Variants in HMX1 observed in about 807,000 individuals in gnomAD.
The protein encoded by HMX1 is H6 family homeobox 1.
Under a neutral mutation model 8.9 loss-of-function variants are expected in HMX1, and 8 were observed. The ratio of observed to expected loss-of-function variants is 0.90; its 90% CI spans 0.53 to 1.63. The LOEUF (loss-of-function observed/expected upper bound fraction) is 1.63. Ranked by LOEUF, HMX1 falls within the 40% of genes most tolerant of loss-of-function variation. HMX1 has a pLI of 0.00. For missense variants in HMX1, 621 were observed against 558.5 expected (o/e 1.11, Z -1.13); for synonymous variants, 311 against 283.4 (o/e 1.10, Z -0.98).
At chr4:8,864,262 G>A (rs987215175), downstream of HMX1, among the ~76,000 whole-genome samples, 5 of 152,198 alleles carry the variant, frequency 3.3e-5, no homozygotes, top group African/African-American at 1.2e-4. Context: ...GAAGGGGTGT[G>A]ATTACGGTCA....
downstream of HMX1, among the ~76,000 whole-genome samples, chr4:8,862,260 T>G (rs1721853433): frequency 6.6e-6 from 1 of 152,198 alleles, no homozygotes; most frequent in African/African-American, 2.4e-5. Context: ...GAGTGCAAGC[T>G]GGACCAAAGT....
At chr4:8,861,706 G>T (rs1721831224) in intron 1 of HMX1, among the ~76,000 whole-genome samples, 1 of 150,218 alleles carries the variant, frequency 6.7e-6, no homozygotes, top group African/African-American at 2.5e-5. Context: ...TCTGGCCTGG[G>T]GCGCCGTCGT....
chr4:8,851,120 C>T (rs529649688), intron 1 of HMX1, among the ~76,000 whole-genome samples: 44 of 152,330 alleles, frequency 2.9e-4, no homozygotes, highest in African/African-American at 1.0e-3. Flanking sequence ...CCCAAGCAGC[C>T]GTCGTTACTG....
At position 8,871,314 on chromosome 4, in the gene HMX1, C is replaced by T. The variant is rs1722208475; in HGVS notation, c.301G>A (p.Gly101Ser). 1.4e-6 allele frequency: 2 copies of T among 1,384,830 alleles called. No individual in the cohort carries two copies. Among genetic ancestry groups the T allele is most frequent in the Non-Finnish European group, 1.9e-6 (2 of 1,077,078 alleles). 85.8% of individuals were successfully genotyped at this position (1,384,830 alleles called of 1,614,324 possible). A position where few individuals can be genotyped will look rare whatever the true frequency, so the allele number is the denominator to read the frequency against. Reference sequence around the variant, plus strand: ...CCCAGAGCGAAGGGCGGCCCGGGACCGGGGGGCGGCCGAGGACCGAGGCCC... The same window carrying T: ...CCCAGAGCGAAGGGCGGCCCGGGACTGGGGGGCGGCCGAGGACCGAGGCCC... The part of the protein sequence containing the change: ...ALGLGPRPPP[G>S]PGPPFALGCG... Residue 101 changes from glycine (G) to serine (S), a missense_variant, in exon 1 of 2, where the codon GGT becomes AGT. Transcript: ENST00000400677. The surrounding 1 kb of genome is among the most constrained non-coding windows in gnomAD (Gnocchi z 4.8).
intron 1 of HMX1, among the ~76,000 whole-genome samples, chr4:8,861,393 A>G (rs1255163244): frequency 6.6e-6 from 1 of 152,180 alleles, no homozygotes; most frequent in Non-Finnish European, 1.5e-5. Flanking sequence ...CTCTCCGCAA[A>G]GAAATAAACA....
chr4:8,868,924 A>C lies in HMX1; in HGVS notation c.395-579T>G, dbSNP rs569058298. On this transcript the variant is annotated intron_variant, in intron 1 of 1. Transcript: ENST00000400677. This position sits in a 1 kb window ranked among gnomAD's most constrained non-coding sequence, Gnocchi z 4.6. Reference sequence around the variant, plus strand: ...GCCCGCTTGCACAGAAACATTCCATAGTAGGAGGACAAACCAATGCAAAGG... The same window carrying C: ...GCCCGCTTGCACAGAAACATTCCATCGTAGGAGGACAAACCAATGCAAAGG... 8.5e-5 allele frequency among the ~76,000 whole-genome samples: 13 copies of C among 152,256 alleles called. No individual in the cohort carries two copies. Among genetic ancestry groups the C allele is most frequent in the African/African-American group, 3.1e-4 (13 of 41,548 alleles).
downstream of HMX1, chr4:8,867,015 C>T: frequency 1.1e-6 from 1 of 950,040 alleles, no homozygotes. Flanking sequence ...CTTGAGCTGT[C>T]TCTGCCCTCG....
chr4:8,871,465 G>C lies in HMX1; in HGVS notation c.150C>G (p.Asp50Glu). The C allele has an allele frequency of 7.4e-7, 1 of 1,342,584 alleles. No individual in the cohort carries two copies. The highest frequency in any genetic ancestry group is 3.2e-5 in the Admixed American group (1 of 30,906). 83.2% of individuals were successfully genotyped at this position (1,342,584 alleles called of 1,614,324 possible). Reference sequence around the variant, plus strand: ...GCTCGGCGTCCTCGTCTTCGGGGTCGTCGTCGTCCTCCTCCTCGTCCTCCC... The same window carrying C: ...GCTCGGCGTCCTCGTCTTCGGGGTCCTCGTCGTCCTCCTCCTCGTCCTCCC... Reference protein sequence around the residue: ...GSREDEEEDDDDPEDEDAEQA... With the variant: ...GSREDEEEDDEDPEDEDAEQA... The change falls in exon 1 of 2, where the codon GAC (aspartate) becomes GAG (glutamate). Residue 50 changes from aspartate to glutamate, a missense_variant. By Grantham distance (45) the Asp-to-Glu change is conservative (BLOSUM62 2). Transcript: ENST00000400677. The surrounding 1 kb of genome is among the most constrained non-coding windows in gnomAD (Gnocchi z 4.8).
chr4:8,865,997 C>G (rs1434150903), downstream of HMX1, among the ~76,000 whole-genome samples: 1 of 152,218 alleles, frequency 6.6e-6, no homozygotes, highest in Non-Finnish European at 1.5e-5. Context: ...AAGAATCTCT[C>G]AAAATGCCCA....
Position 8,868,353 on chromosome 4 carries a change from G to C in HMX1, c.395-8C>G, listed in dbSNP as rs973814074. The stretch of plus-strand genomic sequence containing the variant: ...GTGAGTCCCGGTCGCTGGCTGCAGG[G>C]GAGAGAGGGCACCACCGTTGGTTCT... On this transcript the variant is annotated splice_region_variant and splice_polypyrimidine_tract_variant and intron_variant, in intron 1 of 1. Coordinates refer to ENST00000400677, the MANE Select transcript of HMX1 (RefSeq NM_018942.3). This position sits in a 1 kb window ranked among gnomAD's most constrained non-coding sequence, Gnocchi z 4.6. 5 of 1,365,172 alleles carry C rather than the reference G, an allele frequency of 3.7e-6. No individual in the cohort carries two copies. Among genetic ancestry groups the C allele is most frequent in the Non-Finnish European group, 4.7e-6 (5 of 1,067,348 alleles). The allele number at this position is 1,365,172 out of a possible 1,614,324, so 84.6% of individuals were successfully genotyped here.
rs1721342359 is a variant in HMX1 at position 8,848,527 on chromosome 4, G to A, written c.395-2203C>T. 6.6e-6 allele frequency among the ~76,000 whole-genome samples: 1 copy of A among 152,206 alleles called. No homozygotes were observed. Among genetic ancestry groups the A allele is most frequent in the Non-Finnish European group, 1.5e-5 (1 of 68,036 alleles). On this transcript the variant is annotated intron_variant, in intron 1 of 1. Coordinates refer to the HMX1 transcript ENST00000506970. The surrounding 1 kb of genome is among the most constrained non-coding windows in gnomAD (Gnocchi z 4.1). Reference sequence around the variant, plus strand: ...CCCTTGTTTTACAAATAGGAAACCTGAGGCCAGAGAAGGCAAGTAAGTTGC... The same window carrying A: ...CCCTTGTTTTACAAATAGGAAACCTAAGGCCAGAGAAGGCAAGTAAGTTGC...
chr4:8,865,696 C>G (rs1002240066), downstream of HMX1, among the ~76,000 whole-genome samples: 1 of 151,838 alleles, frequency 6.6e-6, no homozygotes. Context: ...GGGACTTTGC[C>G]TGAGTGGCCA....
At chr4:8,852,762 G>T (rs1190644350) in intron 1 of HMX1, among the ~76,000 whole-genome samples, 1 of 152,170 alleles carries the variant, frequency 6.6e-6, no homozygotes, top group Non-Finnish European at 1.5e-5. Flanking sequence ...AATAAATACT[G>T]TCCCCTCTGC....
rs1257321669 is a variant in HMX1, at chr4:8,868,902, C to G, written c.395-557G>C. On this transcript the variant is annotated intron_variant, in intron 1 of 1. Transcript: ENST00000400677. The surrounding 1 kb of genome is among the most constrained non-coding windows in gnomAD (Gnocchi z 4.6). ...CAGGCCTCTTCCCGCGCCCTCTGCC[C>G]GCTTGCACAGAAACATTCCATAGTA... Among the ~76,000 whole-genome samples the G allele has an allele frequency of 6.6e-6, 1 of 152,134 alleles. No individual in the cohort carries two copies. The highest frequency in any genetic ancestry group is 6.5e-5 in the Admixed American group (1 of 15,272).
At chr4:8,869,711 C>T (rs1464819845) in intron 1 of HMX1, among the ~76,000 whole-genome samples, 1 of 148,864 alleles carries the variant, frequency 6.7e-6, no homozygotes, top group African/African-American at 2.6e-5. Context: ...TCCCTGCCTC[C>T]CCCCAATACC....
At chr4:8,854,438 G>C (rs1181543361) in intron 1 of HMX1, among the ~76,000 whole-genome samples, 1 of 152,238 alleles carries the variant, frequency 6.6e-6, no homozygotes, top group Non-Finnish European at 1.5e-5. Flanking sequence ...ATGTCAAGGA[G>C]GGGTGTTAAA....
In HMX1 at chr4:8,853,816, G is replaced by A. The variant is rs1043418475; in HGVS notation, c.395-7492C>T. ...TGCAGTGAGCCGAGATCACACCACT[G>A]CACTCCAGCCTGGGCAACAAGAGCA... On this transcript the variant is annotated intron_variant, in intron 1 of 1. Coordinates refer to the HMX1 transcript ENST00000506970. The surrounding 1 kb of genome is among the most constrained non-coding windows in gnomAD (Gnocchi z 4.7). 1.3e-5 allele frequency among the ~76,000 whole-genome samples: 2 copies of A among 152,008 alleles called. No homozygotes were observed. Among genetic ancestry groups the A allele is most frequent in the Non-Finnish European group, 2.9e-5 (2 of 68,020 alleles).
Position 8,868,186 on chromosome 4 carries a change from A to G in HMX1, c.554T>C (p.Val185Ala). The change falls in exon 2 of 2, where the codon GTC becomes GCC. Residue 185 changes from valine (V) to alanine (A), a missense_variant. By Grantham distance (64) the Val-to-Ala change is moderately conservative (BLOSUM62 0). Coordinates refer to ENST00000400677, the MANE Select transcript of HMX1 (RefSeq NM_018942.3). The surrounding 1 kb of genome is among the most constrained non-coding windows in gnomAD (Gnocchi z 4.6). ...GTEEASELAE[V>A]PAAAGETRGG... Reference sequence around the variant, plus strand: ...GCGTGTCTCCCCAGCCGCCGCAGGGACCTCGGCCAGCTCCGACGCCTCCTC... The same window carrying G: ...GCGTGTCTCCCCAGCCGCCGCAGGGGCCTCGGCCAGCTCCGACGCCTCCTC... 1.3e-6 allele frequency: 2 copies of G among 1,490,934 alleles called. No homozygotes were observed. Among genetic ancestry groups the G allele is most frequent in the African/African-American group, 2.9e-5 (2 of 68,970 alleles). 92.4% of individuals were successfully genotyped at this position (1,490,934 alleles called of 1,614,324 possible). A position where few individuals can be genotyped will look rare whatever the true frequency, so the allele number is the denominator to read the frequency against.
Position 8,870,977 on chromosome 4 carries a change from C to T in HMX1, c.394+244G>A, listed in dbSNP as rs1722192641. Among the ~76,000 whole-genome samples the T allele has an allele frequency of 6.6e-6, 1 of 152,074 alleles. No individual in the cohort carries two copies. The highest frequency in any genetic ancestry group is 2.4e-5 in the African/African-American group (1 of 41,410). ...CCAGCCTCCCTGGGACCGGAGGAGC[C>T]CGGCAATGGGTGAAGCTATGGCCTG... On this transcript the variant is annotated intron_variant, in intron 1 of 1. Transcript: ENST00000400677. The surrounding 1 kb of genome is among the most constrained non-coding windows in gnomAD (Gnocchi z 4.4).
Sources: allele counts gnomAD v4.1 joint callset (sites outside exome capture counted in the v4.1 genomes callset), GRCh38; gene constraint gnomAD v4.1.1; non-coding constraint Gnocchi (gnomAD v3.1); transcripts MANE v1.5; gene names NCBI Gene and HGNC (gene_info 2026-07-23, HGNC 2026-07-21).